The following CDON variants were observed in gnomAD, a reference collection of about 807,000 sequenced individuals.
CDON encodes the protein cell adhesion associated, oncogene regulated.
In CDON, 73 loss-of-function variants were observed where a neutral mutation model predicts 120.9. The ratio of observed to expected loss-of-function variants is 0.60; its 90% CI spans 0.50 to 0.73. The LOEUF (loss-of-function observed/expected upper bound fraction) is 0.73, where lower values mean the gene tolerates loss of function less well. CDON is among the 30% of genes least tolerant of loss of function. CDON has a pLI of 0.00. For synonymous variants in CDON, 566 were observed against 573.5 expected, an observed-to-expected ratio of 0.99 and a Z score of 0.19; for missense variants, 1,470 against 1,587.3, an observed-to-expected ratio of 0.93 and a Z score of 1.26.
At chr11:126,010,257 T>C (rs1384174910) in intron 8 of CDON, 84 bp downstream of exon 8, 1 of 992,914 alleles carries the variant, frequency 1.0e-6, no homozygotes, top group African/African-American at 1.6e-5. Flanking sequence ...GCTGGATTCA[T>C]TAAAATAACA....
intron 1 of CDON, among the ~76,000 whole-genome samples, chr11:126,044,116 T>C (rs919056243): frequency 4.6e-5 from 7 of 152,334 alleles, no homozygotes; most frequent in Admixed American, 3.9e-4. Flanking sequence ...AGCACTGGTG[T>C]GCCAAACTTG....
At chr11:126,045,675 A>T (rs115155553) in intron 1 of CDON, among the ~76,000 whole-genome samples, 1,864 of 152,224 alleles carry the variant, frequency 0.012, 37 homozygotes, top group African/African-American at 0.042. Context: ...CCTTTTCAAA[A>T]AAGTCACACA....
intron 1 of CDON, among the ~76,000 whole-genome samples, chr11:126,044,637 C>T (rs1948356084): frequency 6.6e-6 from 1 of 152,058 alleles, no homozygotes; most frequent in African/African-American, 2.4e-5. Flanking sequence ...AAGCCAGGCA[C>T]AGGAAGACAA....
intron 1 of CDON, among the ~76,000 whole-genome samples, chr11:126,025,533 T>G (rs576384848): frequency 0.026 from 3,927 of 150,796 alleles, 169 homozygotes; most frequent in African/African-American, 0.088. Context: ...TTGTGGGGGG[T>G]GTGTGTGTGT....
At chr11:126,029,233 A>G (rs1377634455) in intron 1 of CDON, among the ~76,000 whole-genome samples, 1 of 152,216 alleles carries the variant, frequency 6.6e-6, no homozygotes, top group Non-Finnish European at 1.5e-5. Context: ...AAAGTTACAT[A>G]AAAGTAACTG....
At chr11:125,998,560 T>G (rs1476914870) in intron 11 of CDON, among the ~76,000 whole-genome samples, 1 of 152,066 alleles carries the variant, frequency 6.6e-6, no homozygotes, top group East Asian at 1.9e-4. Context: ...TTTAGAACCA[T>G]GAGCCAAATA....
intron 18 of CDON, among the ~76,000 whole-genome samples, chr11:125,976,338 A>T (rs964801286): frequency 6.6e-6 from 1 of 152,218 alleles, no homozygotes; most frequent in Non-Finnish European, 1.5e-5. Flanking sequence ...GCTAACCTTG[A>T]AGGCAATGCA....
chr11:126,006,920 T>C (rs1435010983), intron 8 of CDON, among the ~76,000 whole-genome samples: 2 of 152,096 alleles, frequency 1.3e-5, no homozygotes, highest in African/African-American at 4.8e-5. Flanking sequence ...TAGATGGTAA[T>C]ACTCCCATGT....
At chr11:126,030,029 A>T (rs904018512) in intron 1 of CDON, among the ~76,000 whole-genome samples, 1 of 152,154 alleles carries the variant, frequency 6.6e-6, no homozygotes, top group East Asian at 1.9e-4. Flanking sequence ...CCAAAGTCCA[A>T]ATGTCACTAA....
chr11:126,036,403 A>C lies in CDON; in HGVS notation c.-61-12866T>G, dbSNP rs1019674117. 3.4e-4 allele frequency among the ~76,000 whole-genome samples: 51 copies of C among 152,210 alleles called. 1 individual carries two copies. The highest frequency in any genetic ancestry group is 2.8e-3 in the Admixed American group (43 of 15,284). On this transcript the variant is annotated intron_variant, in intron 1 of 19. Transcript: ENST00000531738. ...AAAGGACTCCAAATTTCTTGGCACA[A>C]CAAGAGTAACAAGAGATTAAATATG...
In CDON at chr11:126,034,721, G is replaced by A. The variant is rs899717499; in HGVS notation, c.-61-11184C>T. On this transcript the variant is annotated intron_variant, in intron 1 of 19. Coordinates refer to ENST00000531738, the MANE Select transcript of CDON (RefSeq NM_001378964.1). This position sits in a 1 kb window ranked among gnomAD's most constrained non-coding sequence, Gnocchi z 4.5. ...AAATGGTGAAATTCTAAAAAGCAGC[G>A]TGAGAGAGATTATTAAAAAGACAAA... Among the ~76,000 whole-genome samples, 14 of 152,176 alleles carry A rather than the reference G, an allele frequency of 9.2e-5. No individual in the cohort carries two copies. Among genetic ancestry groups the A allele is most frequent in the Non-Finnish European group, 1.8e-4 (12 of 68,028 alleles).
chr11:126,062,170 A>C (rs1948813614), intron 1 of CDON, among the ~76,000 whole-genome samples: 1 of 152,290 alleles, frequency 6.6e-6, no homozygotes, highest in African/African-American at 2.4e-5. Flanking sequence ...TTCTCCCTAC[A>C]CATAAATCAC....
chr11:126,052,233 A>C (rs1948580823), intron 1 of CDON, among the ~76,000 whole-genome samples: 1 of 152,222 alleles, frequency 6.6e-6, no homozygotes, highest in African/African-American at 2.4e-5. Context: ...AAAATATAAA[A>C]TAATTTAAAA....
intron 2 of CDON, 89 bp from the exon 3 acceptor site, chr11:126,021,609 T>C: frequency 8.8e-7 from 1 of 1,139,508 alleles, no homozygotes; most frequent in African/African-American, 1.6e-5. Context: ...TTCATCTGTA[T>C]CTTTATAACT....
At chr11:126,025,881 TA>T (rs982477465) in intron 1 of CDON, among the ~76,000 whole-genome samples, 1 of 152,152 alleles carries the variant, frequency 6.6e-6, no homozygotes, top group African/African-American at 2.4e-5. Context: ...ATAAAACTAG[TA>T]AAACTAACAA....
chr11:125,979,811 G>A (rs1946245206), intron 17 of CDON, among the ~76,000 whole-genome samples: 1 of 152,148 alleles, frequency 6.6e-6, no homozygotes, highest in Non-Finnish European at 1.5e-5. Flanking sequence ...TAGAAAGTCT[G>A]AATACATGCT....
At chr11:125,988,268 G>A (rs1306138764) in intron 15 of CDON, among the ~76,000 whole-genome samples, 1 of 152,164 alleles carries the variant, frequency 6.6e-6, no homozygotes, top group Non-Finnish European at 1.5e-5. Context: ...GGTCAGATAT[G>A]ATAACACTTT....
intron 1 of CDON, among the ~76,000 whole-genome samples, chr11:126,033,279 G>C (rs141835063): frequency 8.0e-4 from 122 of 152,178 alleles, no homozygotes; most frequent in African/African-American, 2.7e-3. Flanking sequence ...TGAAGGTGTG[G>C]AGATAACAAG....
At chr11:126,054,808 T>C (rs1298498502) in intron 1 of CDON, among the ~76,000 whole-genome samples, 1 of 151,978 alleles carries the variant, frequency 6.6e-6, no homozygotes, top group Non-Finnish European at 1.5e-5. Context: ...AAGGGGTGGG[T>C]GGGCCAATGG....
Sources: gnomAD v4.1 joint callset for allele counts (sites outside exome capture counted in the v4.1 genomes callset) on GRCh38, gnomAD v4.1.1 for gene constraint, Gnocchi (gnomAD v3.1) non-coding constraint, MANE v1.5 for transcripts, NCBI Gene and HGNC (gene_info 2026-07-23, HGNC 2026-07-21) for gene names.